The following RAB27A variants were observed in gnomAD, a reference collection of about 807,000 sequenced individuals.
RAB27A encodes the protein RAB27A, member RAS oncogene family.
A neutral mutation model predicts 20.8 loss-of-function variants in RAB27A; 17 were observed. The ratio of observed to expected loss-of-function variants is 0.82; its 90% CI spans 0.56 to 1.23. The LOEUF (loss-of-function observed/expected upper bound fraction) is 1.23, where lower values mean the gene tolerates loss of function less well. RAB27A is among the 50% of genes most tolerant of loss of function. RAB27A has a pLI of 0.00. For missense variants in RAB27A, 277 were observed against 266.7 expected, an observed-to-expected ratio of 1.04 and a Z score of -0.27; for synonymous variants, 85 against 92.8, an observed-to-expected ratio of 0.92 and a Z score of 0.48.
In RAB27A at chr15:55,217,663, C is replaced by CAAAAAAAAAAA. The variant is rs199813098; in HGVS notation, c.467+6215_467+6225dup. The stretch of plus-strand genomic sequence containing the variant: ...TGGGTGACAGAGCTACACTCCATCT[C>CAAAAAAAAAAA]AAAAAAAAAAAAAAAAAAAAAAAAA... On this transcript the variant is annotated intron_variant, in intron 6 of 6. Transcript: ENST00000336787. Among the ~76,000 whole-genome samples the CAAAAAAAAAAA allele has an allele frequency of 2.8e-4, 12 of 43,548 alleles. 1 individual carries two copies. Among genetic ancestry groups the CAAAAAAAAAAA allele is most frequent in the African/African-American group, 4.4e-4 (5 of 11,422 alleles). The allele number at this position is 43,548 out of a possible 152,430, so 28.6% of individuals were successfully genotyped here. A position where few individuals can be genotyped will look rare whatever the true frequency, so the allele number is the denominator to read the frequency against.
At chr15:55,275,980 C>A (rs551185317) in intron 1 of RAB27A, among the ~76,000 whole-genome samples, 4 of 144,888 alleles carry the variant, frequency 2.8e-5, no homozygotes, top group South Asian at 4.4e-4. Context: ...GAAAAGGGAA[C>A]CTTGTACGCT....
intron 2 of RAB27A, among the ~76,000 whole-genome samples, chr15:55,262,785 G>A (rs936437574): frequency 7.2e-5 from 11 of 151,886 alleles, no homozygotes; most frequent in Non-Finnish European, 1.3e-4. Flanking sequence ...GAACTCCTGG[G>A]CTCAAGCCAC....
chr15:55,256,367 C>G (rs962683969), intron 2 of RAB27A, among the ~76,000 whole-genome samples: 2 of 152,080 alleles, frequency 1.3e-5, no homozygotes, highest in Non-Finnish European at 2.9e-5. Context: ...TGAGCCATGA[C>G]TATGTCACCA....
intron 6 of RAB27A, 33 bp downstream of exon 6, chr15:55,223,856 G>A (rs1566905707): frequency 1.9e-6 from 3 of 1,610,018 alleles, no homozygotes; most frequent in Non-Finnish European, 2.5e-6. Flanking sequence ...TATTGAAAAT[G>A]TTTTCTCTAG....
intron 3 of RAB27A, among the ~76,000 whole-genome samples, chr15:55,234,576 C>T (rs1327183119): frequency 2.0e-5 from 3 of 152,168 alleles, no homozygotes; most frequent in Admixed American, 6.5e-5. Context: ...CTGTCCACTT[C>T]CACTTTGTCT....
At position 55,274,815 on chromosome 15, in the gene RAB27A, T is replaced by TATATATATATATATATATATATAC. The variant is rs1188210380; in HGVS notation, c.-142-4532_-142-4531insGTATATATATATATATATATATAT. Among the ~76,000 whole-genome samples, 62 of 135,066 alleles carry TATATATATATATATATATATATAC rather than the reference T, an allele frequency of 4.6e-4. 1 individual carries two copies. Among genetic ancestry groups the TATATATATATATATATATATATAC allele is most frequent in the African/African-American group, 1.6e-3 (60 of 36,868 alleles). The allele number at this position is 135,066 out of a possible 152,430, so 88.6% of individuals were successfully genotyped here. A position where few individuals can be genotyped will look rare whatever the true frequency, so the allele number is the denominator to read the frequency against. On this transcript the variant is annotated intron_variant, in intron 1 of 6. Coordinates refer to ENST00000336787, the MANE Select transcript of RAB27A (RefSeq NM_183235.3). ...TAAATTATATATATATATATATATA[T>TATATATATATATATATATATATAC]ATATATATATGTATAGAGAGAGACA...
At chr15:55,256,963 G>C (rs1255906483) in intron 2 of RAB27A, among the ~76,000 whole-genome samples, 1 of 152,160 alleles carries the variant, frequency 6.6e-6, no homozygotes, top group African/African-American at 2.4e-5. Context: ...TGAGAGCCTA[G>C]ATGAGGGCAG....
At chr15:55,229,428 C>T (rs1461960617) in intron 4 of RAB27A, among the ~76,000 whole-genome samples, 1 of 152,184 alleles carries the variant, frequency 6.6e-6, no homozygotes, top group Admixed American at 6.5e-5. Flanking sequence ...GTAATCCCAG[C>T]ACTTTGGGAG....
chr15:55,265,102 C>T (rs150487075), intron 2 of RAB27A, among the ~76,000 whole-genome samples: 4,709 of 152,162 alleles, frequency 0.031, 81 homozygotes, highest in Non-Finnish European at 0.041. Flanking sequence ...ATTAGCCGGG[C>T]GTGGCGGCGC....
chr15:55,300,692 T>C (rs1053568713), intron 2 of RAB27A, among the ~76,000 whole-genome samples: 7 of 146,700 alleles, frequency 4.8e-5, no homozygotes, highest in African/African-American at 1.8e-4. Context: ...AAAAAAAAAA[T>C]GGGGAGGGTG....
chr15:55,222,611 C>A (rs1031952746), intron 6 of RAB27A, among the ~76,000 whole-genome samples: 1 of 152,188 alleles, frequency 6.6e-6, no homozygotes, highest in African/African-American at 2.4e-5. Context: ...ACCTGGCCAA[C>A]CTATCCTCCC....
chr15:55,280,236 A>C (rs1268798304), intron 1 of RAB27A, among the ~76,000 whole-genome samples: 1 of 152,102 alleles, frequency 6.6e-6, no homozygotes, highest in Non-Finnish European at 1.5e-5. Context: ...CAATGCATAG[A>C]GAGGACAGGG....
chr15:55,311,697 G>T (rs985958255), intron 2 of RAB27A, among the ~76,000 whole-genome samples: 2 of 152,184 alleles, frequency 1.3e-5, no homozygotes, highest in African/African-American at 4.8e-5. Context: ...CAGGAGGCCA[G>T]GTTTCTCCCC....
intron 2 of RAB27A, among the ~76,000 whole-genome samples, chr15:55,302,373 G>T (rs557839461): frequency 6.6e-6 from 1 of 152,014 alleles, no homozygotes; most frequent in Admixed American, 6.5e-5. Context: ...CGTTCACTCA[G>T]TGCTCAATGG....
intron 2 of RAB27A, among the ~76,000 whole-genome samples, chr15:55,266,638 A>C (rs1461443802): frequency 6.6e-6 from 1 of 152,242 alleles, no homozygotes; most frequent in African/African-American, 2.4e-5. Context: ...CACTATTCTA[A>C]ATCCTTTAAA....
At chr15:55,275,918 TAAAAA>T (rs60106785) in intron 1 of RAB27A, among the ~76,000 whole-genome samples, 3 of 104,142 alleles carry the variant, frequency 2.9e-5, no homozygotes, top group African/African-American at 7.5e-5. Context: ...GATGGCTAAT[TAAAAA>T]AAAAAAAAAA....
At chr15:55,207,868 G>C (rs1894727667) in intron 6 of RAB27A, among the ~76,000 whole-genome samples, 1 of 152,068 alleles carries the variant, frequency 6.6e-6, no homozygotes. Context: ...TGTTGGCCAG[G>C]CTGGTCTCAA....
intron 2 of RAB27A, among the ~76,000 whole-genome samples, chr15:55,252,412 C>T (rs900206864): frequency 6.6e-6 from 1 of 151,946 alleles, no homozygotes; most frequent in African/African-American, 2.4e-5. Flanking sequence ...AACAGCCTGG[C>T]CAACATGGGG....
chr15:55,251,138 G>A (rs1205158296), intron 2 of RAB27A, among the ~76,000 whole-genome samples: 1 of 152,090 alleles, frequency 6.6e-6, no homozygotes, highest in Admixed American at 6.5e-5. Context: ...CAGCTCATTT[G>A]TAAGATCTGC....
Sources: allele counts gnomAD v4.1 joint callset (sites outside exome capture counted in the v4.1 genomes callset), GRCh38; gene constraint gnomAD v4.1.1; transcripts MANE v1.5; gene names NCBI Gene and HGNC (gene_info 2026-07-23, HGNC 2026-07-21).